Variants in SLCO6A1 observed in about 807,000 individuals in gnomAD.
SLCO6A1 encodes the protein cancer/testis antigen 48.
Under a neutral mutation model 72.7 loss-of-function variants are expected in SLCO6A1, and 65 were observed. The observed-to-expected ratio is 0.89, with a 90% CI of 0.73 to 1.10. SLCO6A1 has a LOEUF of 1.10. Among genes scored for constraint, SLCO6A1 ranks in the 50% least tolerant of loss-of-function variants. The pLI is 0.00. For missense variants in SLCO6A1, 874 were observed against 872.6 expected (o/e 1.00, Z -0.02); for synonymous variants, 314 against 298.2 (o/e 1.05, Z -0.55).
At chr5:102,382,952 G>C (rs1351716964) in intron 12 of SLCO6A1, among the ~76,000 whole-genome samples, 1 of 139,270 alleles carries the variant, frequency 7.2e-6, no homozygotes, top group Non-Finnish European at 1.5e-5. Flanking sequence ...ATATATATGA[G>C]AGATATATAT....
intron 4 of SLCO6A1, among the ~76,000 whole-genome samples, chr5:102,464,779 C>T (rs1358741516): frequency 6.6e-6 from 1 of 152,124 alleles, no homozygotes; most frequent in Non-Finnish European, 1.5e-5. Flanking sequence ...ATTTAAGTTT[C>T]CTGATGCTCT....
chr5:102,456,581 C>A (rs565865789), intron 6 of SLCO6A1, among the ~76,000 whole-genome samples: 41 of 152,174 alleles, frequency 2.7e-4, no homozygotes, highest in Non-Finnish European at 4.9e-4. Context: ...AACTACAAAC[C>A]ACTGCTCAAC....
At chr5:102,431,401 C>T (rs1343424789) in intron 7 of SLCO6A1, among the ~76,000 whole-genome samples, 1 of 152,026 alleles carries the variant, frequency 6.6e-6, no homozygotes, top group African/African-American at 2.4e-5. Flanking sequence ...TGGTGCTATA[C>T]ATTTCCCTCT....
chr5:102,462,281 G>T (rs913294238), intron 4 of SLCO6A1, among the ~76,000 whole-genome samples: 4 of 152,166 alleles, frequency 2.6e-5, no homozygotes, highest in African/African-American at 9.7e-5. Flanking sequence ...TGGATGGATA[G>T]AATCAATATT....
intron 1 of SLCO6A1, among the ~76,000 whole-genome samples, chr5:102,492,658 G>A (rs139957654): frequency 0.072 from 10,904 of 152,046 alleles, 452 homozygotes; most frequent in African/African-American, 0.1. Context: ...GGTGACAGAC[G>A]GCACCTGGAA....
At chr5:102,434,696 T>C (rs1749408130) in intron 7 of SLCO6A1, among the ~76,000 whole-genome samples, 1 of 152,092 alleles carries the variant, frequency 6.6e-6, no homozygotes, top group African/African-American at 2.4e-5. Flanking sequence ...CTGAAGTAGG[T>C]TTAAAGACAG....
chr5:102,425,374 T>C (rs7726174), intron 7 of SLCO6A1, among the ~76,000 whole-genome samples: 98,044 of 151,940 alleles, frequency 0.65, 31,821 homozygotes, highest in African/African-American at 0.66. Context: ...GAAAACCCCA[T>C]AATCTCAGCC....
chr5:102,380,666 A>G (rs983299250), intron 12 of SLCO6A1, among the ~76,000 whole-genome samples: 1 of 152,058 alleles, frequency 6.6e-6, no homozygotes, highest in African/African-American at 2.4e-5. Context: ...ACTATTCAAT[A>G]AAGTAGCCAC....
At chr5:102,393,557 T>G (rs1746891220) in intron 10 of SLCO6A1, among the ~76,000 whole-genome samples, 1 of 152,184 alleles carries the variant, frequency 6.6e-6, no homozygotes, top group Non-Finnish European at 1.5e-5. Flanking sequence ...ATCATGTAAT[T>G]TTCTCATTGT....
In SLCO6A1 at chr5:102,373,471, T is replaced by C. The variant is rs1321664795; in HGVS notation, c.2041A>G (p.Ile681Val). The change falls in exon 13 of 14, where the codon ATC (isoleucine) becomes GTC (valine). Residue 681 changes from isoleucine to valine, a missense_variant. Physicochemically the swap from Ile to Val is conservative, Grantham distance 29. Transcript: ENST00000506729. ...GICFLCKLCT[I>V]IFTTIAFFIY... ...AAAAATGCAATAGTAGTGAAGATGA[T>C]AGTGCATAGTTTGCAAAGAAAACCT... The C allele has an allele frequency of 4.6e-6, 7 of 1,511,966 alleles. No homozygotes were observed. Among genetic ancestry groups the C allele is most frequent in the African/African-American group, 4.2e-5 (3 of 71,120 alleles). The allele number at this position is 1,511,966 out of a possible 1,614,324, so 93.7% of individuals were successfully genotyped here.
intron 2 of SLCO6A1, among the ~76,000 whole-genome samples, chr5:102,479,098 C>A (rs1460980220): frequency 6.6e-6 from 1 of 152,046 alleles, no homozygotes; most frequent in East Asian, 1.9e-4. Flanking sequence ...ATTGTAATTC[C>A]CAATGTTGCG....
chr5:102,416,837 G>A (rs958266896), intron 8 of SLCO6A1, among the ~76,000 whole-genome samples: 2 of 152,146 alleles, frequency 1.3e-5, no homozygotes, highest in African/African-American at 4.8e-5. Context: ...GTATTGTTAT[G>A]TGGGCCATTT....
intron 1 of SLCO6A1, among the ~76,000 whole-genome samples, chr5:102,485,207 C>T (rs912956183): frequency 2.0e-5 from 3 of 151,720 alleles, no homozygotes; most frequent in Admixed American, 6.6e-5. Flanking sequence ...GCTGAGATTG[C>T]ACCATTGCAT....
At position 102,464,036 on chromosome 5, in the gene SLCO6A1, G is replaced by A. The variant is rs144168337; in HGVS notation, c.900-4259C>T. On this transcript the variant is annotated intron_variant, in intron 4 of 13. Transcript: ENST00000506729. Reference sequence around the variant, plus strand: ...GAAATGTAATGGACTTTGGGGACTTGCAGGGAAGGGTAGGATGGGGGGTGA... The same window carrying A: ...GAAATGTAATGGACTTTGGGGACTTACAGGGAAGGGTAGGATGGGGGGTGA... Among the ~76,000 whole-genome samples, 887 of 152,208 alleles carry A rather than the reference G, an allele frequency of 5.8e-3. 8 individuals are homozygous for A. The highest frequency in any genetic ancestry group is 0.021 in the African/African-American group (852 of 41,538).
chr5:102,495,567 C>T (rs1580534474), intron 1 of SLCO6A1, among the ~76,000 whole-genome samples: 1 of 152,056 alleles, frequency 6.6e-6, no homozygotes, highest in South Asian at 2.1e-4. Context: ...TGCACTACAG[C>T]GTGGGTGACA....
rs201608470 is a variant in SLCO6A1 at position 102,438,602 on chromosome 5, A to T, written c.1276+15T>A. 50 of 1,579,224 alleles carry T rather than the reference A, an allele frequency of 3.2e-5. No individual in the cohort carries two copies. Among genetic ancestry groups the T allele is most frequent in the Non-Finnish European group, 4.3e-6 (5 of 1,168,912 alleles). On this transcript the variant is annotated intron_variant, in intron 7 of 13. Coordinates refer to ENST00000506729, the MANE Select transcript of SLCO6A1 (RefSeq NM_173488.5). ...GTGCAAAATTTTTGAAATGACAATA[A>T]GAAGGTAAATCTACCTGCAAGTGTA...
At chr5:102,377,672 T>G (rs976552817) in intron 12 of SLCO6A1, among the ~76,000 whole-genome samples, 6 of 151,750 alleles carry the variant, frequency 4.0e-5, no homozygotes, top group African/African-American at 1.2e-4. Flanking sequence ...TAGACATATA[T>G]ATAGATATAG....
At chr5:102,471,123 T>C (rs1482226792) in intron 4 of SLCO6A1, among the ~76,000 whole-genome samples, 1 of 151,964 alleles carries the variant, frequency 6.6e-6, no homozygotes, top group African/African-American at 2.4e-5. Context: ...AGACCTAGGT[T>C]GGTTTTTAAA....
intron 12 of SLCO6A1, among the ~76,000 whole-genome samples, chr5:102,375,564 A>AT (rs1240985386): frequency 6.6e-6 from 1 of 152,214 alleles, no homozygotes; most frequent in African/African-American, 2.4e-5. Context: ...AAAGCAGTCA[A>AT]TAAAAACTCA....
Sources: allele counts gnomAD v4.1 joint callset (sites outside exome capture counted in the v4.1 genomes callset), GRCh38; gene constraint gnomAD v4.1.1; transcripts MANE v1.5; gene names NCBI Gene and HGNC (gene_info 2026-07-23, HGNC 2026-07-21).